Variants in SGCZ observed in about 807,000 individuals in gnomAD.
SGCZ encodes sarcoglycan zeta.
SGCZ carries 40 observed loss-of-function variants against 41.3 expected under a neutral mutation model. The ratio of observed to expected loss-of-function variants is 0.97; its 90% CI spans 0.75 to 1.26. SGCZ has a LOEUF of 1.26. SGCZ is among the 50% of genes most tolerant of loss of function. The probability of loss-of-function intolerance (pLI) is 0.00; values close to 1 mark genes in which losing one functional copy is unlikely to be tolerated. For synonymous variants in SGCZ, 206 were observed against 137.5 expected (o/e 1.50, Z -3.49); for missense variants, 552 against 369.8 (o/e 1.49, Z -4.04).
At chr8:14,436,103 A>G (rs911604397) in intron 2 of SGCZ, among the ~76,000 whole-genome samples, 1 of 152,164 alleles carries the variant, frequency 6.6e-6, no homozygotes, top group African/African-American at 2.4e-5. Flanking sequence ...TGGATGTCAA[A>G]CTTCTGTCTA....
intron 2 of SGCZ, among the ~76,000 whole-genome samples, chr8:14,547,087 G>A (rs1036041243): frequency 6.6e-6 from 1 of 151,722 alleles, no homozygotes; most frequent in Non-Finnish European, 1.5e-5. Context: ...ATATTTAAAT[G>A]GCTATAGCCT....
At chr8:14,642,454 G>C (rs550351533) in intron 1 of SGCZ, among the ~76,000 whole-genome samples, 3 of 151,454 alleles carry the variant, frequency 2.0e-5, no homozygotes, top group South Asian at 2.1e-4. Flanking sequence ...GTGTTATAGA[G>C]AGTTACTATA....
intron 1 of SGCZ, among the ~76,000 whole-genome samples, chr8:14,585,085 G>A (rs1805015724): frequency 6.6e-6 from 1 of 152,128 alleles, no homozygotes; most frequent in Non-Finnish European, 1.5e-5. Flanking sequence ...GAAGTATTCT[G>A]AAAAGGTCAA....
At chr8:14,783,766 C>A (rs1157033517) in intron 1 of SGCZ, among the ~76,000 whole-genome samples, 1 of 152,026 alleles carries the variant, frequency 6.6e-6, no homozygotes, top group Admixed American at 6.6e-5. Context: ...TTGGAAATAA[C>A]TGGCAATCTG....
chr8:14,510,424 A>G (rs925103041), intron 2 of SGCZ, among the ~76,000 whole-genome samples: 8 of 151,802 alleles, frequency 5.3e-5, no homozygotes, highest in African/African-American at 1.9e-4. Flanking sequence ...ATTACTATAA[A>G]ACCTATCTTT....
At chr8:15,049,499 A>G (rs1468183303) in intron 1 of SGCZ, among the ~76,000 whole-genome samples, 1 of 152,150 alleles carries the variant, frequency 6.6e-6, no homozygotes, top group Non-Finnish European at 1.5e-5. Flanking sequence ...AAGAAGTAAC[A>G]TGATCTACAT....
chr8:14,391,637 T>C (rs1804779830), intron 2 of SGCZ, among the ~76,000 whole-genome samples: 1 of 152,080 alleles, frequency 6.6e-6, no homozygotes, highest in Admixed American at 6.6e-5. Flanking sequence ...ATTAATGCAT[T>C]AAAAGGCAGA....
chr8:15,078,738 C>G (rs943758592), intron 1 of SGCZ, among the ~76,000 whole-genome samples: 1 of 147,584 alleles, frequency 6.8e-6, no homozygotes, highest in Non-Finnish European at 1.5e-5. Context: ...TATATATATA[C>G]ACACATACAT....
At chr8:14,345,543 C>T (rs561371941) in intron 2 of SGCZ, among the ~76,000 whole-genome samples, 7 of 152,222 alleles carry the variant, frequency 4.6e-5, no homozygotes, top group South Asian at 4.1e-4. Context: ...GTTTTCCTTA[C>T]GAAGAGAGGT....
chr8:14,292,806 T>G (rs1585328109), intron 3 of SGCZ, among the ~76,000 whole-genome samples: 1 of 149,822 alleles, frequency 6.7e-6, no homozygotes, highest in African/African-American at 2.5e-5. Flanking sequence ...GAGAATTACA[T>G]GAAAAAGTAA....
intron 2 of SGCZ, among the ~76,000 whole-genome samples, chr8:14,413,161 G>A (rs1799406447): frequency 1.3e-5 from 2 of 151,902 alleles, no homozygotes; most frequent in African/African-American, 4.8e-5. Flanking sequence ...AAGGTAGCGT[G>A]AGATAGTAAC....
chr8:15,096,577 T>C (rs184853414), intron 1 of SGCZ, among the ~76,000 whole-genome samples: 1 of 152,200 alleles, frequency 6.6e-6, no homozygotes, highest in African/African-American at 2.4e-5. Flanking sequence ...AGCACAGGCC[T>C]GAGAAGCCTT....
intron 1 of SGCZ, among the ~76,000 whole-genome samples, chr8:15,142,201 G>A (rs1478829725): frequency 6.6e-6 from 1 of 152,110 alleles, no homozygotes; most frequent in Non-Finnish European, 1.5e-5. Flanking sequence ...GGAGCAGATG[G>A]GTTTTAGGGT....
chr8:14,887,462 G>A (rs368042074), intron 1 of SGCZ, among the ~76,000 whole-genome samples: 4 of 152,108 alleles, frequency 2.6e-5, no homozygotes, highest in East Asian at 3.9e-4. Context: ...ATATTTTTAG[G>A]CCTTCATTCT....
At chr8:14,984,359 G>A (rs1206869993) in intron 1 of SGCZ, among the ~76,000 whole-genome samples, 2 of 152,010 alleles carry the variant, frequency 1.3e-5, no homozygotes, top group East Asian at 1.9e-4. Context: ...TCACAAGTCA[G>A]TATCTACATT....
At position 14,139,922 on chromosome 8, in the gene SGCZ, T is replaced by A. The variant is rs183833110; in HGVS notation, c.547+24658A>T. The stretch of plus-strand genomic sequence containing the variant: ...GATCAATATCCCTGATAAACATCGA[T>A]GCAAAAATCCTCAATAAAATACTGG... On this transcript the variant is annotated intron_variant, in intron 5 of 7. Transcript: ENST00000382080. 5.8e-3 allele frequency among the ~76,000 whole-genome samples: 883 copies of A among 152,210 alleles called. 5 individuals carry two copies. Among genetic ancestry groups the A allele is most frequent in the African/African-American group, 0.02 (839 of 41,530 alleles).
At chr8:15,223,757 G>A (rs1801679783) in intron 1 of SGCZ, among the ~76,000 whole-genome samples, 1 of 152,048 alleles carries the variant, frequency 6.6e-6, no homozygotes, top group Non-Finnish European at 1.5e-5. Context: ...CAGATAGTAT[G>A]GAGTCATTAC....
At chr8:14,709,763 T>C (rs950018457) in intron 1 of SGCZ, among the ~76,000 whole-genome samples, 11 of 152,146 alleles carry the variant, frequency 7.2e-5, no homozygotes, top group African/African-American at 1.2e-4. Context: ...TTCTGGTACA[T>C]TGCAAGAGGA....
chr8:14,380,746 C>G (rs898580494), intron 2 of SGCZ, among the ~76,000 whole-genome samples: 34 of 152,072 alleles, frequency 2.2e-4, no homozygotes, highest in African/African-American at 6.8e-4. Context: ...CAGCTACTCG[C>G]TACTTGGAAG....
Sources: gnomAD v4.1 joint callset for allele counts (sites outside exome capture counted in the v4.1 genomes callset) on GRCh38, gnomAD v4.1.1 for gene constraint, MANE v1.5 for transcripts, NCBI Gene and HGNC (gene_info 2026-07-23, HGNC 2026-07-21) for gene names.